CSMD1: variants seen among roughly 807,000 people sequenced by gnomAD.
CSMD1 encodes the protein CUB and sushi domain-containing protein 1.
Under a neutral mutation model 417.5 loss-of-function variants are expected in CSMD1, and 213 were observed. That is an observed-to-expected ratio of 0.51 (90% confidence interval 0.46 to 0.57). The LOEUF is 0.57. Ranked by LOEUF, CSMD1 falls within the 20% of genes least tolerant of loss-of-function variation. The pLI, the probability that CSMD1 is intolerant of heterozygous loss-of-function variation, is 0.00. For missense variants in CSMD1, 6,923 were observed against 4,529.7 expected (o/e 1.53, Z -15.17); for synonymous variants, 2,862 against 1,736.8 (o/e 1.65, Z -16.11).
chr8:4,360,888 G>C (rs538188878), intron 3 of CSMD1, among the ~76,000 whole-genome samples: 1 of 152,230 alleles, frequency 6.6e-6, no homozygotes, highest in South Asian at 2.1e-4. Context: ...GCACTGACAG[G>C]TCCCCTGAAA....
At chr8:3,216,759 G>A (rs985137503) in intron 29 of CSMD1, among the ~76,000 whole-genome samples, 56 of 152,200 alleles carry the variant, frequency 3.7e-4, no homozygotes, top group African/African-American at 1.3e-3. Flanking sequence ...ATACCTTTGA[G>A]CTTTCCTGCA....
intron 7 of CSMD1, among the ~76,000 whole-genome samples, chr8:3,704,229 G>C (rs1283500762): frequency 6.6e-6 from 1 of 152,106 alleles, no homozygotes; most frequent in African/African-American, 2.4e-5. Flanking sequence ...CAAAAATAGA[G>C]CAGCCTGGGA....
chr8:3,547,979 G>C (rs775185794), intron 10 of CSMD1, among the ~76,000 whole-genome samples: 1 of 151,974 alleles, frequency 6.6e-6, no homozygotes, highest in Non-Finnish European at 1.5e-5. Flanking sequence ...TTTGGATATG[G>C]TAAAGAAAAA....
chr8:4,583,306 G>A (rs1056946690), intron 2 of CSMD1, among the ~76,000 whole-genome samples: 1 of 152,330 alleles, frequency 6.6e-6, no homozygotes, highest in East Asian at 1.9e-4. Context: ...GTCTGGTGGG[G>A]CCTTGGAGAA....
intron 12 of CSMD1, among the ~76,000 whole-genome samples, chr8:3,447,590 G>A (rs111726990): frequency 1.4e-4 from 21 of 152,316 alleles, no homozygotes; most frequent in Middle Eastern, 3.4e-3. Flanking sequence ...CAGAGGTTCC[G>A]TAGGATTAGC....
intron 26 of CSMD1, among the ~76,000 whole-genome samples, chr8:3,264,388 A>C (rs533274454): frequency 2.6e-5 from 4 of 152,108 alleles, no homozygotes; most frequent in Non-Finnish European, 4.4e-5. Flanking sequence ...TCCTGTTTCT[A>C]AGTCAAAATT....
At chr8:3,837,526 A>T (rs983997886) in intron 5 of CSMD1, among the ~76,000 whole-genome samples, 5 of 152,180 alleles carry the variant, frequency 3.3e-5, no homozygotes, top group African/African-American at 1.2e-4. Flanking sequence ...AGAGACATTT[A>T]AAAAACAACA....
intron 6 of CSMD1, among the ~76,000 whole-genome samples, chr8:3,742,531 A>C (rs896604126): frequency 2.0e-5 from 3 of 152,194 alleles, no homozygotes. Flanking sequence ...ACTGAAAATA[A>C]AATAAACCTG....
At chr8:3,404,014 A>C (rs78049659) in intron 15 of CSMD1, among the ~76,000 whole-genome samples, 2,224 of 152,282 alleles carry the variant, frequency 0.015, 48 homozygotes, top group African/African-American at 0.05. Flanking sequence ...AAATTGTTTT[A>C]ACAATGTATG....
chr8:2,990,567 C>A (rs1044589293), intron 54 of CSMD1, among the ~76,000 whole-genome samples: 1 of 152,250 alleles, frequency 6.6e-6, no homozygotes, highest in African/African-American at 2.4e-5. Flanking sequence ...TTCAAGCTGA[C>A]CAGACCACCC....
At chr8:4,313,605 T>C (rs1440604697) in intron 3 of CSMD1, among the ~76,000 whole-genome samples, 14 of 152,026 alleles carry the variant, frequency 9.2e-5, no homozygotes, top group Admixed American at 8.5e-4. Flanking sequence ...ATGTGGACTG[T>C]CTGTTTTAAA....
At chr8:3,758,919 G>A (rs1026140452) in intron 5 of CSMD1, among the ~76,000 whole-genome samples, 2 of 152,198 alleles carry the variant, frequency 1.3e-5, no homozygotes, top group African/African-American at 4.8e-5. Context: ...CAAGGTTCCA[G>A]GTAGAAGAGC....
At chr8:4,193,756 G>C (rs1799172770) in intron 3 of CSMD1, among the ~76,000 whole-genome samples, 1 of 152,108 alleles carries the variant, frequency 6.6e-6, no homozygotes, top group Non-Finnish European at 1.5e-5. Flanking sequence ...AGTGATTTTG[G>C]CTGGCAAGTT....
rs60181891 is a variant in CSMD1 at position 3,298,454 on chromosome 8, ATCTC to A, written c.3950+9237_3950+9240del. On this transcript the variant is annotated intron_variant, in intron 25 of 69. Transcript: ENST00000635120. ...GACACATAATTAATAAAACTGTACA[ATCTC>A]TCTCTCTCTTTTTTAGACAGAGTCT... Among the ~76,000 whole-genome samples, 259 of 151,848 alleles carry A rather than the reference ATCTC, an allele frequency of 1.7e-3. 3 individuals carry two copies. The East Asian group carries it at 0.032, about 19-fold the overall frequency.
At chr8:3,713,459 C>G (rs1405602376) in intron 6 of CSMD1, among the ~76,000 whole-genome samples, 1 of 152,090 alleles carries the variant, frequency 6.6e-6, no homozygotes, top group Non-Finnish European at 1.5e-5. Flanking sequence ...CCTCTGTAGC[C>G]CCTGGGAAAG....
At chr8:4,105,497 A>T (rs1313685374) in intron 3 of CSMD1, among the ~76,000 whole-genome samples, 1 of 152,182 alleles carries the variant, frequency 6.6e-6, no homozygotes, top group East Asian at 1.9e-4. Context: ...TGTTCCAGAG[A>T]TGGTTCTAGG....
At chr8:4,369,126 A>C (rs1328500663) in intron 3 of CSMD1, among the ~76,000 whole-genome samples, 1 of 152,112 alleles carries the variant, frequency 6.6e-6, no homozygotes, top group Admixed American at 6.5e-5. Flanking sequence ...GCTGTTTCCC[A>C]GAGATTCTGG....
intron 1 of CSMD1, among the ~76,000 whole-genome samples, chr8:4,664,251 G>C (rs979733302): frequency 6.6e-6 from 1 of 152,162 alleles, no homozygotes; most frequent in Non-Finnish European, 1.5e-5. Flanking sequence ...TATTATTTCT[G>C]TGTGACTAGT....
rs749745536 is a variant in CSMD1 at position 3,181,176 on chromosome 8, G to T, written c.5659C>A (p.Gln1887Lys). Residue 1887 changes from glutamine (Q) to lysine (K), a missense_variant, in exon 37 of 70, where the codon CAA becomes AAA. Transcript: ENST00000635120. Reference sequence around the variant, plus strand: ...TCAGACTGGAAATGCAGGTAGAGTTGGTTGGAAGTACTGTTCAGCAGTGCC... The same window carrying T: ...TCAGACTGGAAATGCAGGTAGAGTTTGTTGGAAGTACTGTTCAGCAGTGCC... The part of the protein sequence containing the change: ...VPALLNSTSN[Q>K]LYLHFQSDIS... 4 of 1,613,888 alleles carry T rather than the reference G, an allele frequency of 2.5e-6. No homozygotes were observed. The South Asian group carries it at 4.4e-5, about 18-fold the overall frequency.
Sources: gnomAD v4.1 joint callset for allele counts (sites outside exome capture counted in the v4.1 genomes callset) on GRCh38, gnomAD v4.1.1 for gene constraint, MANE v1.5 for transcripts, NCBI Gene and HGNC (gene_info 2026-07-23, HGNC 2026-07-21) for gene names.